The following KLHL7 variants were observed in gnomAD, a reference collection of about 807,000 sequenced individuals.
KLHL7 encodes kelch like family member 7, also known as kelch-like protein 7.
In KLHL7, 44 loss-of-function variants were observed where a neutral mutation model predicts 67.4. That is an observed-to-expected ratio of 0.65 (90% CI 0.51 to 0.84). The LOEUF (loss-of-function observed/expected upper bound fraction) is 0.84, where lower values mean the gene tolerates loss of function less well. Ranked by LOEUF, KLHL7 falls within the 40% of genes least tolerant of loss-of-function variation. The pLI, the probability that KLHL7 is intolerant of heterozygous loss-of-function variation, is 0.00. For synonymous variants in KLHL7, 252 were observed against 243.3 expected (o/e 1.04, Z -0.33); for missense variants, 362 against 718.1 (o/e 0.50, Z 5.67).
intron 1 of KLHL7, among the ~76,000 whole-genome samples, chr7:23,119,687 T>G (rs1783249381): frequency 6.6e-6 from 1 of 152,264 alleles, no homozygotes; most frequent in African/African-American, 2.4e-5. Flanking sequence ...AATGGTATCT[T>G]TGTCATATAT....
At chr7:23,169,304 T>C (rs1255280870) in intron 9 of KLHL7, among the ~76,000 whole-genome samples, 3 of 152,102 alleles carry the variant, frequency 2.0e-5, no homozygotes, top group Non-Finnish European at 2.9e-5. Flanking sequence ...TTATAAAATA[T>C]GATTAATTAT....
At chr7:23,126,470 T>C (rs116714904) in intron 4 of KLHL7, among the ~76,000 whole-genome samples, 278 of 152,018 alleles carry the variant, frequency 1.8e-3, no homozygotes, top group African/African-American at 6.5e-3. Flanking sequence ...GAAAGAAAAG[T>C]AGAATGAAGG....
rs748973249 is a variant in KLHL7, at chr7:23,124,637, T to C, written c.224-51T>C. On this transcript the variant is annotated intron_variant, in intron 2 of 10. Coordinates refer to ENST00000339077, the MANE Select transcript of KLHL7 (RefSeq NM_001031710.3). Reference sequence around the variant, plus strand: ...GGCCTGGAATGCCGTGGTTCCTCAGTCAAACTTGTGGTAGTACAGATGCCA... The same window carrying C: ...GGCCTGGAATGCCGTGGTTCCTCAGCCAAACTTGTGGTAGTACAGATGCCA... 4 of 1,119,560 alleles carry C rather than the reference T, an allele frequency of 3.6e-6. No homozygotes were observed. The East Asian group carries it at 9.4e-5, about 26-fold the overall frequency. The allele number at this position is 1,119,560 out of a possible 1,614,324, so 69.4% of individuals were successfully genotyped here.
chr7:23,164,437 C>T (rs1271071098), intron 7 of KLHL7, among the ~76,000 whole-genome samples: 1 of 152,086 alleles, frequency 6.6e-6, no homozygotes, highest in Non-Finnish European at 1.5e-5. Context: ...ATTATTTTAT[C>T]TCTTTATTTC....
chr7:23,111,572 G>C (rs1281654694), intron 1 of KLHL7, among the ~76,000 whole-genome samples: 1 of 152,160 alleles, frequency 6.6e-6, no homozygotes, highest in African/African-American at 2.4e-5. Flanking sequence ...TGTAATCCCA[G>C]CACTTTGGGA....
chr7:23,164,456 G>A (rs992612171), intron 7 of KLHL7, among the ~76,000 whole-genome samples: 4 of 152,084 alleles, frequency 2.6e-5, no homozygotes, highest in African/African-American at 9.7e-5. Flanking sequence ...TCATTCTGTG[G>A]TATACAGTTT....
intron 6 of KLHL7, among the ~76,000 whole-genome samples, chr7:23,150,427 A>G (rs1244470892): frequency 2.0e-5 from 3 of 152,204 alleles, no homozygotes; most frequent in African/African-American, 7.2e-5. Flanking sequence ...TAAAATATAC[A>G]TTTTTAACAC....
At position 23,175,171 on chromosome 7, in the gene KLHL7, T is replaced by A. The variant is rs1384587364; in HGVS notation, c.*873T>A. On this transcript the variant is annotated 3_prime_UTR_variant, in exon 11 of 11. Transcript: ENST00000339077. ...ACTTTGAACTTCTTTAACGAGATCATGAATTCTTTTCCCTTAGCCAAAACA... is the reference window on the plus strand; with the variant it reads ...ACTTTGAACTTCTTTAACGAGATCAAGAATTCTTTTCCCTTAGCCAAAACA... 1 of 454,006 alleles carries A rather than the reference T, an allele frequency of 2.2e-6. No homozygotes were observed. The highest frequency in any genetic ancestry group is 6.9e-5 in the East Asian group (1 of 14,412). 28.1% of individuals were successfully genotyped at this position (454,006 alleles called of 1,614,324 possible).
At chr7:23,121,762 AAG>A (rs1783354446) in intron 1 of KLHL7, among the ~76,000 whole-genome samples, 1 of 148,102 alleles carries the variant, frequency 6.8e-6, no homozygotes, top group Non-Finnish European at 1.5e-5. Flanking sequence ...AGCTCACTGC[AAG>A]CTCCGCCTCC....
At chr7:23,124,964 A>G in intron 3 of KLHL7, 84 bp from the exon 4 acceptor site, 2 of 1,297,536 alleles carry the variant, frequency 1.5e-6, no homozygotes, top group Non-Finnish European at 2.2e-6. Context: ...GTTTAATTTC[A>G]GGGGCTATTA....
chr7:23,146,837 C>T (rs1784373887), intron 6 of KLHL7, among the ~76,000 whole-genome samples: 1 of 152,118 alleles, frequency 6.6e-6, no homozygotes, highest in African/African-American at 2.4e-5. Context: ...TATATGTACA[C>T]ACATCACTTC....
chr7:23,128,925 C>A (rs1271973044), intron 4 of KLHL7, among the ~76,000 whole-genome samples: 1 of 152,172 alleles, frequency 6.6e-6, no homozygotes, highest in Admixed American at 6.5e-5. Flanking sequence ...TACTTCATTT[C>A]TTCTTATGGC....
At chr7:23,164,580 G>C (rs1230686951) in intron 7 of KLHL7, among the ~76,000 whole-genome samples, 1 of 151,560 alleles carries the variant, frequency 6.6e-6, no homozygotes, top group Non-Finnish European at 1.5e-5. Context: ...GCCCACCACT[G>C]AGTAACCTAC....
At position 23,165,784 on chromosome 7, in the gene KLHL7, G is replaced by A; in HGVS notation, c.1023G>A (p.Leu341=). Residue 341 remains leucine, a synonymous_variant, in exon 8 of 11, where the codon TTG becomes TTA. Transcript: ENST00000339077. ...TTTGGGACAATGTAGTATACATTTT[G>A]GGAGGCTCTCAGCTTTTCCCAATAA... ...CVFWDNVVYI[L]GGSQLFPIKR... 1 of 1,614,112 alleles carries A rather than the reference G, an allele frequency of 6.2e-7. No homozygotes were observed. Among genetic ancestry groups the A allele is most frequent in the Non-Finnish European group, 8.5e-7 (1 of 1,179,994 alleles).
chr7:23,139,707 T>C (rs1784111448), intron 4 of KLHL7, among the ~76,000 whole-genome samples: 1 of 152,136 alleles, frequency 6.6e-6, no homozygotes, highest in African/African-American at 2.4e-5. Context: ...AGATAATGAA[T>C]TGAAAAAAAG....
intron 1 of KLHL7, among the ~76,000 whole-genome samples, chr7:23,109,057 A>G (rs1782759994): frequency 6.6e-6 from 1 of 152,240 alleles, no homozygotes; most frequent in African/African-American, 2.4e-5. Flanking sequence ...GGGAAATACC[A>G]AACAGGAATT....
chr7:23,141,075 T>A, intron 5 of KLHL7, 131 bp downstream of exon 5: 2 of 842,672 alleles, frequency 2.4e-6, no homozygotes, highest in Non-Finnish European at 3.9e-6. Flanking sequence ...CTAAACAGAG[T>A]ATTGTAATCT....
chr7:23,170,476 TTAGA>T (rs1639682994), intron 9 of KLHL7, among the ~76,000 whole-genome samples: 1 of 152,130 alleles, frequency 6.6e-6, no homozygotes, highest in Admixed American at 6.5e-5. Context: ...AGAAATACAG[TTAGA>T]TAGGATAAGT....
At chr7:23,143,745 G>A (rs1265897035) in intron 5 of KLHL7, 106 bp from the exon 6 acceptor site, 17 of 1,128,566 alleles carry the variant, frequency 1.5e-5, no homozygotes, top group Non-Finnish European at 2.0e-5. Flanking sequence ...AGAAATAAGT[G>A]GTTATCTCCT....
Sources: gnomAD v4.1 joint callset for allele counts (sites outside exome capture counted in the v4.1 genomes callset) on GRCh38, gnomAD v4.1.1 for gene constraint, MANE v1.5 for transcripts, NCBI Gene and HGNC (gene_info 2026-07-23, HGNC 2026-07-21) for gene names.